Variants in HIRIP3 observed in about 807,000 individuals in gnomAD.
HIRIP3 encodes HIRA interacting protein 3, also known as HIRA-interacting protein 3.
Under a neutral mutation model 50.3 loss-of-function variants are expected in HIRIP3, and 40 were observed. The observed-to-expected ratio is 0.79, with a 90% CI of 0.62 to 1.03. The LOEUF is 1.03. Among genes scored for constraint, HIRIP3 ranks in the 50% least tolerant of loss-of-function variants. The pLI is 0.00. For missense variants in HIRIP3, 765 were observed against 705.4 expected (o/e 1.08, Z -0.96); for synonymous variants, 318 against 261.6 (o/e 1.22, Z -2.08).
chr16:29,992,947 GT>G lies in HIRIP3; in HGVS notation c.*259del, dbSNP rs1473538416. On this transcript the variant is annotated 3_prime_UTR_variant, in exon 7 of 7. Coordinates refer to ENST00000279392, the MANE Select transcript of HIRIP3 (RefSeq NM_003609.5). Reference sequence around the variant, plus strand: ...AGGTGGAGGCAGTGACTACTGCTCAGTTTCCTGGCCCAAAATACAGGAGGTG... The same window carrying G: ...AGGTGGAGGCAGTGACTACTGCTCAGTTCCTGGCCCAAAATACAGGAGGTG... The G allele has an allele frequency of 1.5e-5, 5 of 339,256 alleles. No individual in the cohort carries two copies. Among genetic ancestry groups the G allele is most frequent in the Non-Finnish European group, 2.7e-5 (5 of 187,850 alleles). 21.0% of individuals were successfully genotyped at this position (339,256 alleles called of 1,614,324 possible).
Position 29,994,195 on chromosome 16 carries a change from C to T in HIRIP3, c.950G>A (p.Ser317Asn), listed in dbSNP as rs200736987. 16 of 1,614,142 alleles carry T rather than the reference C, an allele frequency of 9.9e-6. No homozygotes were observed. The Admixed American group carries it at 2.3e-4, about 24-fold the overall frequency. ...ACCCTTAAGCTGGGTCCTGTCCTCA[C>T]TCTTCCTCTGCACTGGGGGTTCTCT... is the stretch of plus-strand genomic sequence containing the variant. ...RDREPPVQRK[S>N]EDRTQLKGGK... Residue 317 changes from serine (S) to asparagine (N), a missense_variant, in exon 4 of 7, where the codon AGT becomes AAT. Coordinates refer to ENST00000279392, the MANE Select transcript of HIRIP3 (RefSeq NM_003609.5).
At position 29,995,082 on chromosome 16, in the gene HIRIP3, CA is replaced by C; in HGVS notation, c.301+20del. 6.2e-7 allele frequency: 1 copy of C among 1,608,358 alleles called. No homozygotes were observed. The highest frequency in any genetic ancestry group is 8.5e-7 in the Non-Finnish European group (1 of 1,174,678). On this transcript the variant is annotated intron_variant, in intron 3 of 6. Coordinates refer to ENST00000279392, the MANE Select transcript of HIRIP3 (RefSeq NM_003609.5). ...GAACCAACGATGCAGAAGGCCCCCACAGCAGGGAGGAAGCACTAACCCGACT... is the reference window on the plus strand; with the variant it reads ...GAACCAACGATGCAGAAGGCCCCCACGCAGGGAGGAAGCACTAACCCGACT...
Position 29,995,419 on chromosome 16 carries a change from G to T in HIRIP3, c.110C>A (p.Ser37Ter). 1 of 1,613,708 alleles carries T rather than the reference G, an allele frequency of 6.2e-7. No homozygotes were observed. The highest frequency in any genetic ancestry group is 8.5e-7 in the Non-Finnish European group (1 of 1,179,884). Residue 37 changes from serine to a stop codon, truncating the protein, a stop_gained, in exon 2 of 7, where the codon TCG becomes TAG. Transcript: ENST00000279392. LOFTEE classifies it high-confidence loss of function. Reference protein sequence around the residue: ...SIVRRRYLAHSGRSHLEPEEK... With the variant: ...SIVRRRYLAH ...CTCGGGCTCCAGGTGGCTGCGGCCC[G>T]AGTGAGCTAAGTACCTCCGCCGCAC... is the stretch of plus-strand genomic sequence containing the variant.
At position 29,995,394 on chromosome 16, in the gene HIRIP3, C is replaced by G. The variant is rs771132004; in HGVS notation, c.135G>C (p.Glu45Asp). Residue 45 changes from glutamate (E) to aspartate (D), a missense_variant, in exon 2 of 7, where the codon GAG becomes GAC. Physicochemically the swap from Glu to Asp is conservative, Grantham distance 45. Coordinates refer to ENST00000279392, the MANE Select transcript of HIRIP3 (RefSeq NM_003609.5). Reference sequence around the variant, plus strand: ...CCAGCCGCTTCAGTGCCTGCTTCTCCTCGGGCTCCAGGTGGCTGCGGCCCG... The same window carrying G: ...CCAGCCGCTTCAGTGCCTGCTTCTCGTCGGGCTCCAGGTGGCTGCGGCCCG... ...AHSGRSHLEP[E>D]EKQALKRLVE... The G allele has an allele frequency of 1.9e-6, 3 of 1,613,638 alleles. No individual in the cohort carries two copies. The South Asian group carries it at 3.3e-5, about 18-fold the overall frequency.
chr16:29,996,077 C>T (rs1444675656), upstream of HIRIP3: 7 of 599,782 alleles, frequency 1.2e-5, no homozygotes, highest in South Asian at 6.0e-5. Flanking sequence ...ATTTTTGTGG[C>T]GTCACCGCGT....
intron 4 of HIRIP3, 30 bp downstream of exon 4, chr16:29,993,876 T>G: frequency 6.3e-7 from 1 of 1,596,684 alleles, no homozygotes; most frequent in East Asian, 2.2e-5. Context: ...TCTTCCCTAA[T>G]AGTGGCCTCC....
chr16:29,994,750 G>T lies in HIRIP3; in HGVS notation c.395C>A (p.Pro132Gln). Residue 132 changes from proline (P) to glutamine (Q), a missense_variant, in exon 4 of 7, where the codon CCA becomes CAA. Pro to Gln is a moderately conservative substitution (Grantham distance 76). Transcript: ENST00000279392. ...AEVSPAKEEN[P>Q]RRASKAVEES... ...CTCAACTGCCTTTGAGGCTCGCCTT[G>T]GATTCTCCTCTTTGGCTGGGCTGAC... 6.2e-7 allele frequency: 1 copy of T among 1,614,142 alleles called. No individual in the cohort carries two copies. Among genetic ancestry groups the T allele is most frequent in the Non-Finnish European group, 8.5e-7 (1 of 1,180,034 alleles).
In HIRIP3 at chr16:29,995,092, G is replaced by T. The variant is rs1330543566; in HGVS notation, c.301+11C>A. 37 of 1,612,260 alleles carry T rather than the reference G, an allele frequency of 2.3e-5. No individual in the cohort carries two copies. Among genetic ancestry groups the T allele is most frequent in the Non-Finnish European group, 3.1e-5 (37 of 1,178,328 alleles). On this transcript the variant is annotated intron_variant, in intron 3 of 6. Coordinates refer to ENST00000279392, the MANE Select transcript of HIRIP3 (RefSeq NM_003609.5). ...TGCAGAAGGCCCCCACAGCAGGGAG[G>T]AAGCACTAACCCGACTCTGAATTGA...
At position 29,994,162 on chromosome 16, in the gene HIRIP3, C is replaced by T. The variant is rs1046087131; in HGVS notation, c.983G>A (p.Arg328Lys). 2 of 1,614,068 alleles carry T rather than the reference C, an allele frequency of 1.2e-6. No individual in the cohort carries two copies. The highest frequency in any genetic ancestry group is 1.7e-6 in the Non-Finnish European group (2 of 1,180,034). ...EDRTQLKGGK[R>K]LSGSSEDEED... ...CTCGTCCTCGCTGCTTCCACTCAACCTCTTCCCACCCTTAAGCTGGGTCCT... is the reference window on the plus strand; with the variant it reads ...CTCGTCCTCGCTGCTTCCACTCAACTTCTTCCCACCCTTAAGCTGGGTCCT... Residue 328 changes from arginine (R) to lysine (K), a missense_variant, in exon 4 of 7, where the codon AGG becomes AAG. Transcript: ENST00000279392.
rs1198925053 is a variant in HIRIP3 at position 29,995,474 on chromosome 16, A to G, written c.66-11T>C. ...GAATGCGTAAGCGTGCTGCAGGGACATGGTGTCAGGACGGAGTCCCGACCC... is the reference window on the plus strand; with the variant it reads ...GAATGCGTAAGCGTGCTGCAGGGACGTGGTGTCAGGACGGAGTCCCGACCC... On this transcript the variant is annotated splice_polypyrimidine_tract_variant and intron_variant, in intron 1 of 6. Coordinates refer to ENST00000279392, the MANE Select transcript of HIRIP3 (RefSeq NM_003609.5). 1.2e-6 allele frequency: 2 copies of G among 1,613,778 alleles called. No homozygotes were observed. The highest frequency in any genetic ancestry group is 1.1e-5 in the South Asian group (1 of 91,064).
Position 29,995,396 on chromosome 16 carries a change from C to G in HIRIP3, c.133G>C (p.Glu45Gln). Residue 45 changes from glutamate (E) to glutamine (Q), a missense_variant, in exon 2 of 7, where the codon GAG becomes CAG. By Grantham distance (29) the Glu-to-Gln change is conservative. Coordinates refer to ENST00000279392, the MANE Select transcript of HIRIP3 (RefSeq NM_003609.5). Reference protein sequence around the residue: ...AHSGRSHLEPEEKQALKRLVE... With the variant: ...AHSGRSHLEPQEKQALKRLVE... ...AGCCGCTTCAGTGCCTGCTTCTCCT[C>G]GGGCTCCAGGTGGCTGCGGCCCGAG... The G allele has an allele frequency of 1.2e-6, 2 of 1,613,568 alleles. No homozygotes were observed. Among genetic ancestry groups the G allele is most frequent in the African/African-American group, 1.3e-5 (1 of 75,068 alleles).
At chr16:29,993,839 C>G in intron 4 of HIRIP3, 31 bp from the exon 5 acceptor site, 2 of 1,611,946 alleles carry the variant, frequency 1.2e-6, no homozygotes, top group Non-Finnish European at 1.7e-6. Context: ...GAAGGCCAAG[C>G]CTGCTGGGCC....
In HIRIP3 at chr16:29,994,125, C is replaced by T; in HGVS notation, c.1020G>A (p.Gly340=). ...AGCCTTTAGCTGTGGGTTCCCCCTT[C>T]CCACTGTCTTCCTCGTCCTCGCTGC... The part of the protein sequence containing the change: ...SGSSEDEEDS[G]KGEPTAKGSR... Residue 340 remains glycine, a synonymous_variant, in exon 4 of 7, where the codon GGG becomes GGA. Coordinates refer to ENST00000279392, the MANE Select transcript of HIRIP3 (RefSeq NM_003609.5). The T allele has an allele frequency of 6.2e-7, 1 of 1,614,112 alleles. No homozygotes were observed.
upstream of HIRIP3, chr16:29,995,726 C>A: frequency 2.3e-6 from 3 of 1,309,326 alleles, no homozygotes; most frequent in Non-Finnish European, 2.1e-6. Context: ...ACCGTTGGCC[C>A]TTGGCCGCGG....
chr16:29,993,564 C>CAG lies in HIRIP3; in HGVS notation c.1409-9_1409-8dup, dbSNP rs1596629468. On this transcript the variant is annotated splice_region_variant and splice_polypyrimidine_tract_variant and intron_variant, in intron 5 of 6. Coordinates refer to ENST00000279392, the MANE Select transcript of HIRIP3 (RefSeq NM_003609.5). ...TTCCCTAGGGAAGGGGTACCTGGGGCAGAAGAAGCTGGTGATTCTCTCCTC... is the reference window on the plus strand; with the variant it reads ...TTCCCTAGGGAAGGGGTACCTGGGGCAGAGAAGAAGCTGGTGATTCTCTCCTC... 1 of 1,612,978 alleles carries CAG rather than the reference C, an allele frequency of 6.2e-7. No homozygotes were observed. Among genetic ancestry groups the CAG allele is most frequent in the East Asian group, 2.2e-5 (1 of 44,874 alleles).
chr16:29,993,751 T>C lies in HIRIP3; in HGVS notation c.1297A>G (p.Ile433Val). 6.2e-7 allele frequency: 1 copy of C among 1,609,688 alleles called. No homozygotes were observed. The highest frequency in any genetic ancestry group is 1.3e-5 in the African/African-American group (1 of 75,056). Residue 433 changes from isoleucine to valine, a missense_variant, in exon 5 of 7, where the codon ATT (isoleucine) becomes GTT (valine). Physicochemically the swap from Ile to Val is conservative, Grantham distance 29. Coordinates refer to ENST00000279392, the MANE Select transcript of HIRIP3 (RefSeq NM_003609.5). The part of the protein sequence containing the change: ...HPAVMRLKRY[I>V]RACGAHRNYK... ...TTTCGATGGGCACCACAGGCCCGAA[T>C]GTAGCGCTTCAGCCTCATCACAGCC...
At chr16:29,995,957 A>C, upstream of HIRIP3, 1 of 565,204 alleles carries the variant, frequency 1.8e-6, no homozygotes, top group East Asian at 3.0e-5. Flanking sequence ...GCAAGGCAGA[A>C]GAGAAAAGGC....
Position 29,994,590 on chromosome 16 carries a change from G to A in HIRIP3, c.555C>T (p.Ala185=). The A allele has an allele frequency of 1.2e-6, 2 of 1,614,104 alleles. No homozygotes were observed. Among genetic ancestry groups the A allele is most frequent in the Non-Finnish European group, 1.7e-6 (2 of 1,180,008 alleles). ...PVVKKQAPGK[A]SVSRKQAREE... Reference sequence around the variant, plus strand: ...CCCTGGCCTGCTTCCTACTGACTGAGGCCTTGCCTGGTGCCTGCTTCTTTA... The same window carrying A: ...CCCTGGCCTGCTTCCTACTGACTGAAGCCTTGCCTGGTGCCTGCTTCTTTA... The change falls in exon 4 of 7, where the codon GCC becomes GCT. Residue 185 remains alanine, a synonymous_variant. Transcript: ENST00000279392.
rs1288095079 is a variant in HIRIP3, at chr16:29,995,572, G to A, written c.34C>T (p.Arg12Cys). The A allele has an allele frequency of 6.2e-7, 1 of 1,612,682 alleles. No individual in the cohort carries two copies. The change falls in exon 1 of 7, where the codon CGT becomes TGT. Residue 12 changes from arginine (R) to cysteine (C), a missense_variant. Coordinates refer to ENST00000279392, the MANE Select transcript of HIRIP3 (RefSeq NM_003609.5). ...TCCGGGCGGCCTCGGAAGAAGCTAC[G>A]GGTGAACTCCTGCATCTCCTTCTCC... ...AREKEMQEFT[R>C]SFFRGRPDLS...
Sources: allele counts gnomAD v4.1 joint callset, GRCh38; gene constraint gnomAD v4.1.1; transcripts MANE v1.5; gene names NCBI Gene and HGNC (gene_info 2026-07-23, HGNC 2026-07-21).